IL1RAPL2: variants seen among roughly 807,000 people sequenced by gnomAD.
IL1RAPL2 encodes the protein interleukin 1 receptor accessory protein like 2, also known as X-linked interleukin-1 receptor accessory protein-like 2.
A neutral mutation model predicts 44.1 loss-of-function variants in IL1RAPL2; 3 were observed. That is an observed-to-expected ratio of 0.07 (90% CI 0.03 to 0.18). IL1RAPL2 has a LOEUF of 0.18. Ranked by LOEUF, IL1RAPL2 falls within the 10% of genes least tolerant of loss-of-function variation. The probability of loss-of-function intolerance (pLI) is 1.00; values close to 1 mark genes in which losing one functional copy is unlikely to be tolerated. For synonymous variants in IL1RAPL2, 181 were observed against 178.8 expected, an observed-to-expected ratio of 1.01 and a Z score of -0.10; for missense variants, 391 against 496.4, an observed-to-expected ratio of 0.79 and a Z score of 2.02.
intron 2 of IL1RAPL2, among the ~76,000 whole-genome samples, chrX:105,115,313 T>C (rs1015934330): frequency 1.8e-5 from 2 of 111,564 alleles, no homozygotes; most frequent in South Asian, 3.8e-4. Context: ...GATTCCACAG[T>C]GTGGACGGGG....
chrX:105,097,972 G>T (rs2032626449), intron 2 of IL1RAPL2, among the ~76,000 whole-genome samples: 1 of 111,439 alleles, frequency 9.0e-6, no homozygotes, highest in African/African-American at 3.3e-5. Context: ...GAGTGGAGCT[G>T]GGAAATATAC....
chrX:104,897,872 C>A lies in IL1RAPL2; in HGVS notation c.82+238877C>A, dbSNP rs139159742. ...AGTTGCTGGCTACTTAAAGGAGAACCTTTTGTAAAGTGAAGAAAAGTTTAA... is the reference window on the plus strand; with the variant it reads ...AGTTGCTGGCTACTTAAAGGAGAACATTTTGTAAAGTGAAGAAAAGTTTAA... On this transcript the variant is annotated intron_variant, in intron 2 of 10. Transcript: ENST00000372582. Among the ~76,000 whole-genome samples, 1,012 of 111,582 alleles carry A rather than the reference C, an allele frequency of 9.1e-3. 7 individuals are homozygous for A. The highest frequency in any genetic ancestry group is 0.031 in the African/African-American group (952 of 30,748).
At chrX:105,573,481 T>G (rs773601320) in intron 6 of IL1RAPL2, among the ~76,000 whole-genome samples, 1 of 111,290 alleles carries the variant, frequency 9.0e-6, no homozygotes, top group South Asian at 3.8e-4. Flanking sequence ...ATGTCTGAAT[T>G]TAGATGGTAA....
At chrX:105,234,030 T>C in intron 4 of IL1RAPL2, 26 bp downstream of exon 4, 3 of 1,136,188 alleles carry the variant, frequency 2.6e-6, no homozygotes, top group Non-Finnish European at 2.4e-6. Context: ...GTCAAATTCA[T>C]ATTTTACCTC....
intron 2 of IL1RAPL2, among the ~76,000 whole-genome samples, chrX:104,874,898 G>T (rs1316299828): frequency 9.0e-6 from 1 of 111,602 alleles, no homozygotes; most frequent in African/African-American, 3.3e-5. Flanking sequence ...TGATTAACCA[G>T]CAACTTTAGT....
chrX:105,515,794 A>G (rs1241950187), intron 6 of IL1RAPL2, among the ~76,000 whole-genome samples: 6 of 112,071 alleles, frequency 5.4e-5, no homozygotes, highest in Non-Finnish European at 1.1e-4. Flanking sequence ...TTGAGGGTGG[A>G]ACAGCTATGA....
At position 105,287,061 on chromosome X, in the gene IL1RAPL2, A is replaced by G. The variant is rs190405100; in HGVS notation, c.697+19520A>G. On this transcript the variant is annotated intron_variant, in intron 5 of 10. Transcript: ENST00000372582. Reference sequence around the variant, plus strand: ...TCTTTAAGAGCTTAAAATCTAGTGGAGAAAACAGCCCTTAAACCATCACAC... The same window carrying G: ...TCTTTAAGAGCTTAAAATCTAGTGGGGAAAACAGCCCTTAAACCATCACAC... Among the ~76,000 whole-genome samples the G allele has an allele frequency of 1.0e-3, 112 of 112,051 alleles. No individual in the cohort carries two copies. The Middle Eastern group carries it at 0.014, about 14-fold the overall frequency.
chrX:104,585,345 A>C (rs866414086), intron 1 of IL1RAPL2, among the ~76,000 whole-genome samples: 1 of 11,986 alleles, frequency 8.3e-5, no homozygotes, highest in Non-Finnish European at 1.1e-4. Context: ...ATTATATATT[A>C]TATATATTAT....
intron 2 of IL1RAPL2, among the ~76,000 whole-genome samples, chrX:104,917,814 A>G (rs901346581): frequency 8.9e-6 from 1 of 112,013 alleles, no homozygotes; most frequent in African/African-American, 3.2e-5. Flanking sequence ...AACAATTAAT[A>G]GAAACCTGGA....
chrX:104,665,790 C>T (rs1254908345), intron 2 of IL1RAPL2, among the ~76,000 whole-genome samples: 5 of 110,912 alleles, frequency 4.5e-5, no homozygotes, highest in Non-Finnish European at 9.5e-5. Flanking sequence ...AAAACCAGTG[C>T]TCTGTTTATG....
In IL1RAPL2 at chrX:104,833,794, A is replaced by G. The variant is rs771664309; in HGVS notation, c.82+174799A>G. ...GCTTATCTACTGAGGATAAGTGACTATTGGGAGAGCCAAATCAATGTAAAA... is the reference window on the plus strand; with the variant it reads ...GCTTATCTACTGAGGATAAGTGACTGTTGGGAGAGCCAAATCAATGTAAAA... On this transcript the variant is annotated intron_variant, in intron 2 of 10. Coordinates refer to ENST00000372582, the MANE Select transcript of IL1RAPL2 (RefSeq NM_017416.2). Among the ~76,000 whole-genome samples, 7 of 112,557 alleles carry G rather than the reference A, an allele frequency of 6.2e-5. No homozygotes were observed. The South Asian group carries it at 2.5e-3, about 41-fold the overall frequency.
rs1042829808 is a variant in IL1RAPL2 at position 105,264,793 on chromosome X, G to C, written c.544-2595G>C. 3.6e-5 allele frequency among the ~76,000 whole-genome samples: 4 copies of C among 111,687 alleles called. No homozygotes were observed. In the Admixed American group the frequency reaches 3.8e-4, roughly 11 times the overall value. On this transcript the variant is annotated intron_variant, in intron 4 of 10. Coordinates refer to ENST00000372582, the MANE Select transcript of IL1RAPL2 (RefSeq NM_017416.2). ...TGGGGGAGCCCCACATTTTAACCTA[G>C]AGATGTCTTACCCTAAAGCCAGTTT...
At chrX:105,060,661 G>A (rs1173991502) in intron 2 of IL1RAPL2, among the ~76,000 whole-genome samples, 1 of 93,256 alleles carries the variant, frequency 1.1e-5, no homozygotes, top group Admixed American at 1.3e-4. Context: ...GAATGAGTTT[G>A]GAAGTATTCT....
At chrX:105,642,027 G>A (rs192914044) in intron 6 of IL1RAPL2, among the ~76,000 whole-genome samples, 1 of 110,769 alleles carries the variant, frequency 9.0e-6, no homozygotes, top group East Asian at 2.8e-4. Context: ...ATTCCCTCAC[G>A]GTATTCACTG....
At chrX:105,148,659 A>C (rs2147587692) in intron 2 of IL1RAPL2, among the ~76,000 whole-genome samples, 1 of 111,586 alleles carries the variant, frequency 9.0e-6, no homozygotes, top group East Asian at 2.8e-4. Flanking sequence ...AATCTTAGGC[A>C]TTTTTAAAAG....
At chrX:105,320,437 G>T (rs1399585130) in intron 5 of IL1RAPL2, among the ~76,000 whole-genome samples, 2 of 111,827 alleles carry the variant, frequency 1.8e-5, no homozygotes, top group Non-Finnish European at 3.8e-5. Context: ...CAGTAAGGTG[G>T]GGGGAGGAGG....
At chrX:105,220,473 G>GC in intron 3 of IL1RAPL2, 2 of 928,814 alleles carry the variant, frequency 2.2e-6, no homozygotes, top group Non-Finnish European at 2.9e-6. Flanking sequence ...CTCCCCCTTA[G>GC]CCCCTCCCCT....
intron 2 of IL1RAPL2, among the ~76,000 whole-genome samples, chrX:104,916,431 T>C (rs1293465345): frequency 8.9e-6 from 1 of 111,745 alleles, no homozygotes; most frequent in Admixed American, 9.5e-5. Context: ...TATCCTGAGA[T>C]TTGCTGAAGT....
At chrX:105,663,569 G>A (rs915924992) in intron 6 of IL1RAPL2, among the ~76,000 whole-genome samples, 1 of 111,827 alleles carries the variant, frequency 8.9e-6, no homozygotes, top group Non-Finnish European at 1.9e-5. Context: ...TCATCTTCAT[G>A]TGAGCAATTC....
Sources: allele counts gnomAD v4.1 joint callset (sites outside exome capture counted in the v4.1 genomes callset), GRCh38; gene constraint gnomAD v4.1.1; transcripts MANE v1.5; gene names NCBI Gene and HGNC (gene_info 2026-07-23, HGNC 2026-07-21).